The following LGSN variants were observed in gnomAD, a reference collection of about 807,000 sequenced individuals.
LGSN encodes lengsin, lens protein with glutamine synthetase domain.
LGSN carries 21 observed loss-of-function variants against 19.5 expected under a neutral mutation model. The ratio of observed to expected loss-of-function variants is 1.07; its 90% CI spans 0.76 to 1.55. LGSN has a LOEUF of 1.55. Among genes scored for constraint, LGSN ranks in the 40% most tolerant of loss-of-function variants. The pLI is 0.00. For missense variants in LGSN, 673 were observed against 608.5 expected (o/e 1.11, Z -1.12); for synonymous variants, 257 against 215.6 (o/e 1.19, Z -1.68).
rs1228582960 is a variant in LGSN, at chr6:63,280,647, A to G, written c.904T>C (p.Phe302Leu). 1.9e-6 allele frequency: 3 copies of G among 1,613,994 alleles called. No individual in the cohort carries two copies. The highest frequency in any genetic ancestry group is 3.3e-4 in the Middle Eastern group (2 of 6,084). The change falls in exon 4 of 4, where the codon TTC becomes CTC. Residue 302 changes from phenylalanine to leucine, a missense_variant. Physicochemically the swap from Phe to Leu is conservative, Grantham distance 22. Coordinates refer to ENST00000370657, the MANE Select transcript of LGSN (RefSeq NM_016571.3). ...TCACAAAATCCAGTCTCAATGAAGA[A>G]GCTGGCAATGTAATTATATTTCCTT... is the stretch of plus-strand genomic sequence containing the variant. The part of the protein sequence containing the change: ...VARKYNYIAS[F>L]FIETGFCDSG...
chr6:63,446,502 C>T, the LGSN span, among the ~76,000 whole-genome samples: 1 of 152,108 alleles, frequency 6.6e-6, no homozygotes, highest in Non-Finnish European at 1.5e-5. Flanking sequence ...ATAAGTTTCA[C>T]GAGGTCAAGG....
the LGSN span, among the ~76,000 whole-genome samples, chr6:63,342,835 T>C: frequency 6.6e-6 from 1 of 152,242 alleles, no homozygotes; most frequent in Non-Finnish European, 1.5e-5. Flanking sequence ...TCAGCTTGAT[T>C]GTGTCATTTA....
the LGSN span, among the ~76,000 whole-genome samples, chr6:63,336,553 G>GTATATATATA: frequency 2.1e-4 from 30 of 140,524 alleles, no homozygotes; most frequent in African/African-American, 7.6e-4. Flanking sequence ...GTGTGTGTGT[G>GTATATATATA]TGTGTGTGTA....
chr6:63,360,215 G>T, the LGSN span, among the ~76,000 whole-genome samples: 1 of 152,180 alleles, frequency 6.6e-6, no homozygotes, highest in Admixed American at 6.5e-5. Flanking sequence ...GGCCTGCCTT[G>T]CTAGATTGGG....
the LGSN span, among the ~76,000 whole-genome samples, chr6:63,533,172 A>G: frequency 2.0e-5 from 3 of 152,212 alleles, no homozygotes; most frequent in Non-Finnish European, 4.4e-5. Flanking sequence ...ACTTGAGGTC[A>G]CGAGTTCAAT....
the LGSN span, among the ~76,000 whole-genome samples, chr6:63,447,497 T>C: frequency 3.9e-5 from 6 of 152,338 alleles, no homozygotes; most frequent in African/African-American, 1.4e-4. Flanking sequence ...AAGTTAGTAA[T>C]ATGTATATGA....
At chr6:63,569,651 C>T in the LGSN span, among the ~76,000 whole-genome samples, 2 of 152,184 alleles carry the variant, frequency 1.3e-5, no homozygotes, top group Non-Finnish European at 2.9e-5. Flanking sequence ...CCCTGCCTAT[C>T]GTGATGAGGT....
At chr6:63,298,528 T>G (rs1012762523) in intron 1 of LGSN, among the ~76,000 whole-genome samples, 3 of 152,154 alleles carry the variant, frequency 2.0e-5, no homozygotes, top group African/African-American at 7.2e-5. Flanking sequence ...TTCTAATGCA[T>G]GAGGTAGGGA....
chr6:63,317,906 TACTC>T (rs1160747194), intron 1 of LGSN, among the ~76,000 whole-genome samples: 2 of 152,198 alleles, frequency 1.3e-5, no homozygotes, highest in East Asian at 1.9e-4. Context: ...GAACAGATCT[TACTC>T]ACTTGACATA....
the LGSN span, among the ~76,000 whole-genome samples, chr6:63,341,167 G>T: frequency 6.6e-6 from 1 of 152,116 alleles, no homozygotes; most frequent in Non-Finnish European, 1.5e-5. Flanking sequence ...CAGGCTCCTG[G>T]GAAGTGCATA....
the LGSN span, among the ~76,000 whole-genome samples, chr6:63,392,922 T>TGGA: frequency 6.8e-6 from 1 of 146,790 alleles, no homozygotes; most frequent in African/African-American, 2.6e-5. Flanking sequence ...AGTCTTGCTC[T>TGGA]GTCGCCCAGG....
At chr6:63,304,851 C>T (rs927893227) in intron 1 of LGSN, among the ~76,000 whole-genome samples, 6 of 152,090 alleles carry the variant, frequency 3.9e-5, no homozygotes, top group African/African-American at 1.2e-4. Flanking sequence ...CAAAGAAATG[C>T]CTGATCGTGA....
upstream of LGSN, among the ~76,000 whole-genome samples, chr6:63,324,754 G>T (rs1769193027): frequency 1.3e-5 from 2 of 151,870 alleles, no homozygotes; most frequent in South Asian, 4.2e-4. Context: ...CAAAATGTGT[G>T]GGGTACAGCA....
chr6:63,411,319 G>C, the LGSN span, among the ~76,000 whole-genome samples: 1 of 152,174 alleles, frequency 6.6e-6, no homozygotes, highest in Admixed American at 6.5e-5. Flanking sequence ...AAGTAAAGGG[G>C]ATAGCAGGTA....
chr6:63,429,593 G>A, the LGSN span, among the ~76,000 whole-genome samples: 11 of 152,122 alleles, frequency 7.2e-5, no homozygotes, highest in South Asian at 2.1e-4. Context: ...AAAATTAGCC[G>A]AGTGTGGTCG....
chr6:63,494,776 T>A, the LGSN span, among the ~76,000 whole-genome samples: 1 of 152,200 alleles, frequency 6.6e-6, no homozygotes, highest in East Asian at 1.9e-4. Flanking sequence ...CCTTGCTATA[T>A]CTCTGTTGTA....
chr6:63,478,443 T>C, the LGSN span, among the ~76,000 whole-genome samples: 1 of 151,886 alleles, frequency 6.6e-6, no homozygotes, highest in Admixed American at 6.6e-5. Context: ...CAACTCTTCA[T>C]GTATTGCTTT....
At chr6:63,383,155 G>A in the LGSN span, among the ~76,000 whole-genome samples, 1 of 152,092 alleles carries the variant, frequency 6.6e-6, no homozygotes, top group East Asian at 1.9e-4. Flanking sequence ...TAGAGATAGG[G>A]TATAGCTATG....
chr6:63,379,746 A>C, the LGSN span, among the ~76,000 whole-genome samples: 1 of 152,212 alleles, frequency 6.6e-6, no homozygotes, highest in Non-Finnish European at 1.5e-5. Context: ...AGGATCCATG[A>C]AGCTAGTTTT....
Sources: allele counts gnomAD v4.1 joint callset (sites outside exome capture counted in the v4.1 genomes callset), GRCh38; gene constraint gnomAD v4.1.1; transcripts MANE v1.5; gene names NCBI Gene and HGNC (gene_info 2026-07-23, HGNC 2026-07-21).